Variants in SRGAP1 observed in about 807,000 individuals in gnomAD.
SRGAP1 encodes the protein SLIT-ROBO Rho GTPase activating protein 1, also known as SLIT-ROBO Rho GTPase-activating protein 1.
Under a neutral mutation model 121.9 loss-of-function variants are expected in SRGAP1, and 43 were observed. The observed-to-expected ratio is 0.35, with a 90% CI of 0.28 to 0.46. SRGAP1 has a LOEUF of 0.46. Among genes scored for constraint, SRGAP1 ranks in the 20% least tolerant of loss-of-function variants. The probability of loss-of-function intolerance (pLI) is 1.00; values close to 1 mark genes in which losing one functional copy is unlikely to be tolerated. For missense variants in SRGAP1, 1,102 were observed against 1,350.9 expected, an observed-to-expected ratio of 0.82 and a Z score of 2.89; for synonymous variants, 447 against 485.4, an observed-to-expected ratio of 0.92 and a Z score of 1.04.
chr12:63,932,649 T>C (rs2031521012), intron 1 of SRGAP1, among the ~76,000 whole-genome samples: 1 of 152,208 alleles, frequency 6.6e-6, no homozygotes, highest in African/African-American at 2.4e-5. Flanking sequence ...CCTTGAAATA[T>C]AGGGACCTAA....
chr12:63,951,352 C>T (rs61482744), intron 1 of SRGAP1, among the ~76,000 whole-genome samples: 62,010 of 151,228 alleles, frequency 0.41, 13,002 homozygotes, highest in South Asian at 0.5. Context: ...TTAGTAGAGA[C>T]GAGGTTTCGC....
At chr12:64,039,309 CTT>C (rs901644077) in intron 4 of SRGAP1, among the ~76,000 whole-genome samples, 2 of 152,172 alleles carry the variant, frequency 1.3e-5, no homozygotes, top group Non-Finnish European at 2.9e-5. Context: ...GAGATACACT[CTT>C]TTCTTTCCAG....
chr12:63,845,906 G>A (rs1039550429), intron 1 of SRGAP1, among the ~76,000 whole-genome samples: 9 of 152,158 alleles, frequency 5.9e-5, no homozygotes, highest in African/African-American at 9.7e-5. Flanking sequence ...AAAGGGCTAC[G>A]GAGAGAGGCA....
At chr12:64,041,811 G>A (rs766424418) in intron 4 of SRGAP1, among the ~76,000 whole-genome samples, 50 of 151,038 alleles carry the variant, frequency 3.3e-4, no homozygotes, top group Non-Finnish European at 6.2e-4. Context: ...AGGCTGGAAG[G>A]CTTTATACTA....
chr12:64,094,947 A>G lies in SRGAP1; in HGVS notation c.1555A>G (p.Ile519Val). The change falls in exon 13 of 22, where the codon ATT becomes GTT. Residue 519 changes from isoleucine to valine, a missense_variant. By Grantham distance (29) the Ile-to-Val change is conservative. This residue lies in a region of SRGAP1 where 747 missense variants were observed against 929.4 expected (regional missense o/e 0.80). Transcript: ENST00000355086. The stretch of plus-strand genomic sequence containing the variant: ...CTTTACCCAGGACTCAGGACAGGTT[A>G]TTCCCCTCATTGTGGAAAGCTGTAT... ...ETFVKDSGQV[I>V]PLIVESCIRF... 6.2e-7 allele frequency: 1 copy of G among 1,614,128 alleles called. No individual in the cohort carries two copies. Among genetic ancestry groups the G allele is most frequent in the Non-Finnish European group, 8.5e-7 (1 of 1,179,994 alleles).
At chr12:64,096,753 AAATACCTACTT>A (rs1211190049) in intron 14 of SRGAP1, among the ~76,000 whole-genome samples, 4 of 152,218 alleles carry the variant, frequency 2.6e-5, no homozygotes, top group Non-Finnish European at 2.9e-5. Flanking sequence ...CCACTTTGGG[AAATACCTACTT>A]ATTTAATTGT....
intron 21 of SRGAP1, among the ~76,000 whole-genome samples, chr12:64,139,980 A>G (rs1352117879): frequency 2.6e-5 from 4 of 151,446 alleles, no homozygotes; most frequent in African/African-American, 9.7e-5. Context: ...TTTTCCCAGC[A>G]CCATTTATTA....
intron 6 of SRGAP1, among the ~76,000 whole-genome samples, chr12:64,053,887 G>A (rs1384696521): frequency 6.6e-6 from 1 of 152,166 alleles, no homozygotes; most frequent in African/African-American, 2.4e-5. Context: ...GATTTGCTAA[G>A]AGAAAAGAAT....
At chr12:63,995,409 T>C (rs530017110) in intron 3 of SRGAP1, among the ~76,000 whole-genome samples, 9 of 152,260 alleles carry the variant, frequency 5.9e-5, no homozygotes, top group Admixed American at 4.6e-4. Context: ...GGAGTATAAA[T>C]TGCAGCATCA....
At chr12:63,950,662 C>A (rs988949445) in intron 1 of SRGAP1, among the ~76,000 whole-genome samples, 1 of 151,988 alleles carries the variant, frequency 6.6e-6, no homozygotes, top group Admixed American at 6.6e-5. Flanking sequence ...TCCCAGAGCC[C>A]GCCATCTTAA....
chr12:64,037,545 G>C (rs747465652), intron 4 of SRGAP1, among the ~76,000 whole-genome samples: 40 of 152,230 alleles, frequency 2.6e-4, no homozygotes, highest in Non-Finnish European at 5.0e-4. Flanking sequence ...GCCCTTCTTA[G>C]TGGGGGTTTC....
Position 64,156,157 on chromosome 12 carries a change from T to C in SRGAP1, c.*13485T>C, listed in dbSNP as rs1350174681. The C allele has an allele frequency of 1.3e-5, 2 of 152,228 alleles. No homozygotes were observed. Among genetic ancestry groups the C allele is most frequent in the Non-Finnish European group, 2.9e-5 (2 of 68,040 alleles). 9.4% of individuals were successfully genotyped at this position (152,228 alleles called of 1,614,324 possible). On this transcript the variant is annotated 3_prime_UTR_variant, in exon 22 of 22. Coordinates refer to ENST00000355086, the MANE Select transcript of SRGAP1 (RefSeq NM_020762.4). ...CCTACAGAGCCGCACGTTTAACTAC[T>C]GTTATCTTGCCTCCTTATTGCTCCA...
chr12:64,160,946 T>C lies in SRGAP1; in HGVS notation c.*18274T>C, dbSNP rs534437967. On this transcript the variant is annotated 3_prime_UTR_variant, in exon 22 of 22. Transcript: ENST00000355086. ...TCCAAAGCCATTCTAATTCTGTTAC[T>C]TTGTATGTTCTTTTTTTTCCCTATA... The C allele has an allele frequency of 6.6e-6, 1 of 152,336 alleles. No homozygotes were observed. Among genetic ancestry groups the C allele is most frequent in the African/African-American group, 2.4e-5 (1 of 41,588 alleles). The allele number at this position is 152,336 out of a possible 1,614,324, so 9.4% of individuals were successfully genotyped here. A position where few individuals can be genotyped will look rare whatever the true frequency, so the allele number is the denominator to read the frequency against.
chr12:63,943,157 T>C (rs529795872), intron 1 of SRGAP1, among the ~76,000 whole-genome samples: 61 of 152,340 alleles, frequency 4.0e-4, no homozygotes, highest in Non-Finnish European at 6.8e-4. Context: ...TCTGTATTAA[T>C]GGTCATTCAA....
chr12:63,997,228 T>C (rs1012338889), intron 3 of SRGAP1, among the ~76,000 whole-genome samples: 4 of 152,042 alleles, frequency 2.6e-5, no homozygotes, highest in Non-Finnish European at 5.9e-5. Context: ...TCCATTCTAA[T>C]CTTATGGGAC....
In SRGAP1 at chr12:63,983,987, G is replaced by T; in HGVS notation, c.108G>T (p.Glu36Asp). The change falls in exon 2 of 22, where the codon GAG (glutamate) becomes GAT (aspartate). Residue 36 changes from glutamate to aspartate, a missense_variant. Coordinates refer to ENST00000355086, the MANE Select transcript of SRGAP1 (RefSeq NM_020762.4). The part of the protein sequence containing the change: ...AQLVEQQKCL[E>D]QQTEMRVQLL... ...TGGTAGAACAACAAAAATGCCTGGAGCAGCAAACGGAGATGCGAGTTCAGC... is the reference window on the plus strand; with the variant it reads ...TGGTAGAACAACAAAAATGCCTGGATCAGCAAACGGAGATGCGAGTTCAGC... 1 of 1,557,828 alleles carries T rather than the reference G, an allele frequency of 6.4e-7. No individual in the cohort carries two copies. The highest frequency in any genetic ancestry group is 8.7e-7 in the Non-Finnish European group (1 of 1,144,360).
In SRGAP1 at chr12:64,041,383, ATTTATTTATTTATTTT is replaced by A. The variant is rs1248174390; in HGVS notation, c.490-1403_490-1388del. On this transcript the variant is annotated intron_variant, in intron 4 of 21. Transcript: ENST00000355086. ...ATTTTATTTATTTATTTATTTATTT[ATTTATTTATTTATTTT>A]TTTGAGGCAAGGTCTCACTCTGTCA... Among the ~76,000 whole-genome samples the A allele has an allele frequency of 3.1e-3, 442 of 144,746 alleles. 3 individuals carry two copies. The highest frequency in any genetic ancestry group is 8.8e-3 in the African/African-American group (335 of 37,928). 95.0% of individuals were successfully genotyped at this position (144,746 alleles called of 152,430 possible).
intron 21 of SRGAP1, 150 bp downstream of exon 21, chr12:64,128,350 C>T: frequency 1.2e-6 from 1 of 824,402 alleles, no homozygotes; most frequent in Non-Finnish European, 1.8e-6. Context: ...CCAGCTCATT[C>T]TTTAACTTAG....
chr12:64,105,245 T>G (rs1229932187), intron 15 of SRGAP1, among the ~76,000 whole-genome samples: 1 of 152,216 alleles, frequency 6.6e-6, no homozygotes, highest in Non-Finnish European at 1.5e-5. Flanking sequence ...GAAATGTTTT[T>G]CTTTTTAAGG....
Sources: allele counts gnomAD v4.1 joint callset (sites outside exome capture counted in the v4.1 genomes callset), GRCh38; gene constraint gnomAD v4.1.1; regional missense constraint gnomAD v4.1.1; transcripts MANE v1.5; gene names NCBI Gene and HGNC (gene_info 2026-07-23, HGNC 2026-07-21).